Variants in NR6A1 observed in about 807,000 individuals in gnomAD.
The protein encoded by NR6A1 is retinoic acid receptor-related testis-associated receptor.
NR6A1 carries 7 observed loss-of-function variants against 59.1 expected under a neutral mutation model. That is an observed-to-expected ratio of 0.12 (90% CI 0.07 to 0.22). The LOEUF (loss-of-function observed/expected upper bound fraction) is 0.22. Among genes scored for constraint, NR6A1 ranks in the 10% least tolerant of loss-of-function variants. The probability of loss-of-function intolerance (pLI) is 1.00; values close to 1 mark genes in which losing one functional copy is unlikely to be tolerated. For synonymous variants in NR6A1, 243 were observed against 236.1 expected, an observed-to-expected ratio of 1.03 and a Z score of -0.27; for missense variants, 468 against 611.6, an observed-to-expected ratio of 0.77 and a Z score of 2.48.
chr9:124,741,243 GT>G (rs1439266458), intron 1 of NR6A1, among the ~76,000 whole-genome samples: 1 of 152,154 alleles, frequency 6.6e-6, no homozygotes, highest in African/African-American at 2.4e-5. Flanking sequence ...CATAGTTGTC[GT>G]CCCTCTTTGT....
intron 4 of NR6A1, among the ~76,000 whole-genome samples, chr9:124,542,578 C>A (rs558446986): frequency 9.8e-5 from 15 of 152,316 alleles, no homozygotes; most frequent in African/African-American, 3.6e-4. Context: ...TTCTCTCTCC[C>A]TCAGTTTTAC....
chr9:124,770,749 G>T (rs1345307182), intron 1 of NR6A1, among the ~76,000 whole-genome samples: 3 of 138,598 alleles, frequency 2.2e-5, no homozygotes, highest in Non-Finnish European at 3.2e-5. Context: ...CGGGGGGAGG[G>T]GGAAATGAAG....
intron 2 of NR6A1, among the ~76,000 whole-genome samples, chr9:124,591,381 G>A (rs1230590790): frequency 6.6e-6 from 1 of 152,114 alleles, no homozygotes; most frequent in Non-Finnish European, 1.5e-5. Context: ...AAGTGACTTG[G>A]CCAAGTGACA....
intron 1 of NR6A1, among the ~76,000 whole-genome samples, chr9:124,763,855 T>C (rs1361782886): frequency 1.3e-5 from 2 of 152,110 alleles, no homozygotes; most frequent in Non-Finnish European, 2.9e-5. Context: ...AGCTTCATGA[T>C]TGAAATGGGG....
intron 7 of NR6A1, among the ~76,000 whole-genome samples, chr9:124,528,294 G>A (rs1358841940): frequency 6.6e-6 from 1 of 152,168 alleles, no homozygotes; most frequent in Non-Finnish European, 1.5e-5. Flanking sequence ...CTCAGCAGCA[G>A]GTAGAACTAG....
In NR6A1 at chr9:124,526,789, G is replaced by A; in HGVS notation, c.1191C>T (p.Phe397=). 3 of 1,613,570 alleles carry A rather than the reference G, an allele frequency of 1.9e-6. No homozygotes were observed. In the South Asian group the frequency reaches 3.3e-5, roughly 18 times the overall value. Reference sequence around the variant, plus strand: ...ACCCCAGCCACTCACCTTGATTTAGGAAGTTAATTGCTTTCATGCAAGCAT... The same window carrying A: ...ACCCCAGCCACTCACCTTGATTTAGAAAGTTAATTGCTTTCATGCAAGCAT... ...EEYACMKAIN[F]LNQDIRGLTS... Residue 397 remains phenylalanine, a synonymous_variant, in exon 8 of 10, where the codon TTC becomes TTT. Transcript: ENST00000487099.
At chr9:124,601,153 G>T (rs952570879) in intron 2 of NR6A1, among the ~76,000 whole-genome samples, 2 of 152,086 alleles carry the variant, frequency 1.3e-5, no homozygotes, top group Non-Finnish European at 2.9e-5. Context: ...GCACACGCCT[G>T]TAATTCCAGC....
intron 2 of NR6A1, among the ~76,000 whole-genome samples, chr9:124,634,604 G>A (rs568214763): frequency 6.6e-6 from 1 of 152,164 alleles, no homozygotes; most frequent in African/African-American, 2.4e-5. Flanking sequence ...GGTGGATCAC[G>A]AGGTCAGGAG....
intron 2 of NR6A1, among the ~76,000 whole-genome samples, chr9:124,646,790 C>A (rs768163701): frequency 3.3e-5 from 5 of 152,176 alleles, no homozygotes; most frequent in African/African-American, 7.2e-5. Flanking sequence ...CAAACCAATT[C>A]TTTGAAAGGC....
At chr9:124,692,664 C>A in intron 2 of NR6A1, 1 of 269,630 alleles carries the variant, frequency 3.7e-6, no homozygotes, top group South Asian at 3.4e-5. Flanking sequence ...GAATTTTATT[C>A]CTACTGCTCA....
intron 2 of NR6A1, among the ~76,000 whole-genome samples, chr9:124,628,797 C>T (rs1350795997): frequency 1.3e-5 from 2 of 152,146 alleles, no homozygotes; most frequent in African/African-American, 2.4e-5. Flanking sequence ...CACACCACCA[C>T]GCCCGGCTAA....
intron 2 of NR6A1, among the ~76,000 whole-genome samples, chr9:124,585,629 G>A (rs570556409): frequency 1.3e-5 from 2 of 150,608 alleles, no homozygotes; most frequent in Non-Finnish European, 1.5e-5. Context: ...GAAGATCAAC[G>A]ATGAAGGTGG....
chr9:124,765,672 G>A (rs1564273382), intron 1 of NR6A1, among the ~76,000 whole-genome samples: 1 of 152,064 alleles, frequency 6.6e-6, no homozygotes, highest in African/African-American at 2.4e-5. Context: ...ATCCTGGTCC[G>A]CTCCCAAACT....
intron 8 of NR6A1, 133 bp downstream of exon 8, chr9:124,526,646 G>T: frequency 1.5e-6 from 2 of 1,337,282 alleles, no homozygotes; most frequent in Non-Finnish European, 1.0e-6. Flanking sequence ...AAGTCTTCCT[G>T]GATTGAAACC....
chr9:124,726,998 C>T (rs546850670), intron 2 of NR6A1, among the ~76,000 whole-genome samples: 1 of 152,318 alleles, frequency 6.6e-6, no homozygotes, highest in Non-Finnish European at 1.5e-5. Flanking sequence ...CAGTTTAACA[C>T]TAAGCTCTTT....
At chr9:124,599,776 A>C (rs905626892) in intron 2 of NR6A1, among the ~76,000 whole-genome samples, 4 of 152,248 alleles carry the variant, frequency 2.6e-5, no homozygotes, top group South Asian at 2.1e-4. Flanking sequence ...AGCTCAAAGA[A>C]AGGAAGAGGC....
At chr9:124,673,779 A>G (rs1377790264) in intron 2 of NR6A1, among the ~76,000 whole-genome samples, 2 of 152,194 alleles carry the variant, frequency 1.3e-5, no homozygotes, top group South Asian at 4.1e-4. Flanking sequence ...TCCGACACCT[A>G]TCAAATTTCT....
At chr9:124,590,061 C>CAAAAAAAAAAAAAAAAAAAAAA (rs71372976) in intron 2 of NR6A1, among the ~76,000 whole-genome samples, 3 of 30,894 alleles carry the variant, frequency 9.7e-5, no homozygotes, top group African/African-American at 1.0e-4. Context: ...AAGACTCTGT[C>CAAAAAAAAAAAAAAAAAAAAAA]AAAAAAAAAA....
At chr9:124,525,792 G>C (rs1197109733) in intron 8 of NR6A1, among the ~76,000 whole-genome samples, 1 of 151,874 alleles carries the variant, frequency 6.6e-6, no homozygotes, top group Non-Finnish European at 1.5e-5. Context: ...TTGAGGCTCA[G>C]CTCAGATTTC....
Sources: gnomAD v4.1 joint callset for allele counts (sites outside exome capture counted in the v4.1 genomes callset) on GRCh38, gnomAD v4.1.1 for gene constraint, MANE v1.5 for transcripts, NCBI Gene and HGNC (gene_info 2026-07-23, HGNC 2026-07-21) for gene names.